Variants in FBXL20 observed in about 807,000 individuals in gnomAD.
FBXL20 encodes F-box and leucine rich repeat protein 20, also known as F-box/LRR-repeat protein 20.
Under a neutral mutation model 64.0 loss-of-function variants are expected in FBXL20, and 11 were observed. The ratio of observed to expected loss-of-function variants is 0.17; its 90% CI spans 0.11 to 0.28. The LOEUF (loss-of-function observed/expected upper bound fraction) is 0.28, where lower values mean the gene tolerates loss of function less well. Among genes scored for constraint, FBXL20 ranks in the 10% least tolerant of loss-of-function variants. The probability of loss-of-function intolerance (pLI) is 1.00; values close to 1 mark genes in which losing one functional copy is unlikely to be tolerated. For synonymous variants in FBXL20, 184 were observed against 189.0 expected (o/e 0.97, Z 0.22); for missense variants, 303 against 526.2 (o/e 0.58, Z 4.15).
At chr17:39,283,923 A>G (rs190820250) in intron 7 of FBXL20, among the ~76,000 whole-genome samples, 1 of 117,210 alleles carries the variant, frequency 8.5e-6, no homozygotes, top group Admixed American at 8.4e-5. Flanking sequence ...CCATGATATC[A>G]AGTTCATTCT....
intron 1 of FBXL20, 35 bp from the exon 2 acceptor site, chr17:39,343,276 T>C (rs780940501): frequency 1.4e-6 from 2 of 1,447,892 alleles, no homozygotes; most frequent in Admixed American, 2.0e-5. Context: ...AAGTGTTACT[T>C]AACATTTTAT....
intron 1 of FBXL20, among the ~76,000 whole-genome samples, chr17:39,371,112 G>C (rs1305599033): frequency 6.6e-6 from 1 of 152,106 alleles, no homozygotes; most frequent in African/African-American, 2.4e-5. Context: ...GAGCTACTAA[G>C]GAGGCTGAGG....
intron 2 of FBXL20, among the ~76,000 whole-genome samples, chr17:39,333,469 C>T (rs546185184): frequency 8.5e-5 from 13 of 152,272 alleles, no homozygotes; most frequent in African/African-American, 2.6e-4. Flanking sequence ...CAGGCTGGAG[C>T]GCAGTGGCGT....
intron 1 of FBXL20, among the ~76,000 whole-genome samples, chr17:39,362,698 A>G (rs1249599973): frequency 7.0e-6 from 1 of 143,590 alleles, no homozygotes. Context: ...GGCTCACTGC[A>G]ACCTTCATCT....
In FBXL20 at chr17:39,258,165, GACAA is replaced by G. The variant is rs1567852231; in HGVS notation, c.*3291_*3294del. On this transcript the variant is annotated 3_prime_UTR_variant, in exon 15 of 15. Coordinates refer to ENST00000264658, the MANE Select transcript of FBXL20 (RefSeq NM_032875.3). Reference sequence around the variant, plus strand: ...ATATTTTGGAGTGGCTATGAGGTTAGACAAACAGATCAATTAGCTTTTCCTGTAA... The same window carrying G: ...ATATTTTGGAGTGGCTATGAGGTTAGACAGATCAATTAGCTTTTCCTGTAA... The G allele has an allele frequency of 6.6e-6, 1 of 152,124 alleles. No individual in the cohort carries two copies. The highest frequency in any genetic ancestry group is 2.4e-5 in the African/African-American group (1 of 41,428). 9.4% of individuals were successfully genotyped at this position (152,124 alleles called of 1,614,324 possible).
At chr17:39,394,401 T>G (rs1038665540) in intron 1 of FBXL20, among the ~76,000 whole-genome samples, 1 of 150,958 alleles carries the variant, frequency 6.6e-6, no homozygotes, top group Non-Finnish European at 1.5e-5. Flanking sequence ...GCCTCCCGAG[T>G]AGCTGGGACT....
intron 2 of FBXL20, among the ~76,000 whole-genome samples, chr17:39,337,531 A>G (rs1326723965): frequency 6.8e-6 from 1 of 146,118 alleles, no homozygotes; most frequent in African/African-American, 2.6e-5. Context: ...CCATCGTCTG[A>G]GATGTGGGGA....
At chr17:39,295,677 T>C (rs970991724) in intron 6 of FBXL20, among the ~76,000 whole-genome samples, 7 of 152,054 alleles carry the variant, frequency 4.6e-5, no homozygotes. Flanking sequence ...GTTCTCCCTT[T>C]TATCTCTTTC....
At chr17:39,402,433 T>G, upstream of FBXL20, 1 of 329,358 alleles carries the variant, frequency 3.0e-6, no homozygotes, top group Non-Finnish European at 5.5e-6. Flanking sequence ...ACAGGCCAAG[T>G]GCCCGCCCTG....
chr17:39,306,873 T>C (rs563221225), intron 2 of FBXL20, among the ~76,000 whole-genome samples: 1 of 152,316 alleles, frequency 6.6e-6, no homozygotes, highest in South Asian at 2.1e-4. Flanking sequence ...CTGGGAGGGT[T>C]AAGCAAGGAG....
chr17:39,329,694 GA>G (rs1188804863), intron 2 of FBXL20, among the ~76,000 whole-genome samples: 1 of 151,600 alleles, frequency 6.6e-6, no homozygotes, highest in East Asian at 1.9e-4. Context: ...TAATGGTTCA[GA>G]AAAAAAACAG....
intron 4 of FBXL20, among the ~76,000 whole-genome samples, chr17:39,299,414 A>AT (rs1338812213): frequency 6.6e-6 from 1 of 152,118 alleles, no homozygotes; most frequent in African/African-American, 2.4e-5. Flanking sequence ...CAACTACATT[A>AT]TTTTTTTGTA....
At chr17:39,369,899 G>C (rs1597825218) in intron 1 of FBXL20, among the ~76,000 whole-genome samples, 1 of 152,180 alleles carries the variant, frequency 6.6e-6, no homozygotes, top group East Asian at 1.9e-4. Flanking sequence ...CTCCAAAAGT[G>C]CTGGGATTAC....
Position 39,282,724 on chromosome 17 carries a change from A to G in FBXL20, c.621+5T>C, listed in dbSNP as rs1295252834. On this transcript the variant is annotated splice_donor_5th_base_variant and intron_variant, in intron 8 of 14. Transcript: ENST00000264658. ...GAATTTCACGAGCCCTACATGGAGTATTACCTGCGTGCAGCCTTTTAAGAA... is the reference window on the plus strand; with the variant it reads ...GAATTTCACGAGCCCTACATGGAGTGTTACCTGCGTGCAGCCTTTTAAGAA... The G allele has an allele frequency of 1.9e-6, 3 of 1,614,122 alleles. No homozygotes were observed. The highest frequency in any genetic ancestry group is 2.5e-6 in the Non-Finnish European group (3 of 1,180,008).
At chr17:39,276,350 G>C (rs2046894011) in intron 9 of FBXL20, among the ~76,000 whole-genome samples, 1 of 147,766 alleles carries the variant, frequency 6.8e-6, no homozygotes, top group African/African-American at 2.5e-5. Context: ...AGGAAGAGAA[G>C]AAAGAAAGGA....
At position 39,275,173 on chromosome 17, in the gene FBXL20, T is replaced by G; in HGVS notation, c.697-73A>C. Reference sequence around the variant, plus strand: ...AACAAAAAAAGAAAAAAATGATAGCTCTGTGAAAATAATCACCAAAAAGGA... The same window carrying G: ...AACAAAAAAAGAAAAAAATGATAGCGCTGTGAAAATAATCACCAAAAAGGA... On this transcript the variant is annotated intron_variant, in intron 9 of 14. Transcript: ENST00000264658. The G allele has an allele frequency of 4.1e-6, 6 of 1,447,100 alleles. No homozygotes were observed. In the South Asian group the frequency reaches 7.9e-5, roughly 19 times the overall value. 89.6% of individuals were successfully genotyped at this position (1,447,100 alleles called of 1,614,324 possible).
chr17:39,276,696 C>G (rs1333908606), intron 9 of FBXL20, among the ~76,000 whole-genome samples: 1 of 152,110 alleles, frequency 6.6e-6, no homozygotes, highest in South Asian at 2.1e-4. Context: ...TGGGCCACCA[C>G]GCCCGGCCCA....
chr17:39,344,950 A>C (rs1174069995), intron 1 of FBXL20, among the ~76,000 whole-genome samples: 1 of 152,176 alleles, frequency 6.6e-6, no homozygotes, highest in African/African-American at 2.4e-5. Flanking sequence ...CTCACAACGG[A>C]TACTTTTAAC....
intron 6 of FBXL20, 147 bp downstream of exon 6, chr17:39,296,980 T>G: frequency 2.0e-6 from 1 of 499,084 alleles, no homozygotes. Context: ...CTATTTCTAC[T>G]TTGATGTTGC....
Sources: gnomAD v4.1 joint callset for allele counts (sites outside exome capture counted in the v4.1 genomes callset) on GRCh38, gnomAD v4.1.1 for gene constraint, MANE v1.5 for transcripts, NCBI Gene and HGNC (gene_info 2026-07-23, HGNC 2026-07-21) for gene names.